Variants in CMC2 observed in about 807,000 individuals in gnomAD.
The protein encoded by CMC2 is C-X9-C motif containing 2.
Under a neutral mutation model 7.5 loss-of-function variants are expected in CMC2, and 5 were observed. The ratio of observed to expected loss-of-function variants is 0.66; its 90% confidence interval spans 0.35 to 1.40. CMC2 has a LOEUF of 1.40. CMC2 is among the 40% of genes most tolerant of loss of function. The pLI, the probability that CMC2 is intolerant of heterozygous loss-of-function variation, is 0.04. For synonymous variants in CMC2, 37 were observed against 31.4 expected (o/e 1.18, Z -0.60); for missense variants, 115 against 92.3 (o/e 1.25, Z -1.01).
At chr16:80,990,698 T>C (rs1349284617) in intron 2 of CMC2, among the ~76,000 whole-genome samples, 4 of 152,162 alleles carry the variant, frequency 2.6e-5, no homozygotes, top group African/African-American at 7.2e-5. Context: ...TGGAAGTCAT[T>C]ACATGTTGGT....
rs767231953 is a variant in CMC2, at chr16:80,974,158, G to C, written c.*1935C>G. Reference sequence around the variant, plus strand: ...CAAATCAAATGCCTGAGACATCCTAGACACTTCCTTAAACCCTACACCTAG... The same window carrying C: ...CAAATCAAATGCCTGAGACATCCTACACACTTCCTTAAACCCTACACCTAG... On this transcript the variant is annotated 3_prime_UTR_variant, in exon 4 of 4. Transcript: ENST00000219400. 17 of 152,224 alleles carry C rather than the reference G, an allele frequency of 1.1e-4. No individual in the cohort carries two copies. Among genetic ancestry groups the C allele is most frequent in the Non-Finnish European group, 2.3e-4 (16 of 68,090 alleles). The allele number at this position is 152,224 out of a possible 1,614,324, so 9.4% of individuals were successfully genotyped here.
At chr16:80,999,078 C>A (rs1216698810) in intron 1 of CMC2, 1 of 152,180 alleles carries the variant, frequency 6.6e-6, no homozygotes, top group African/African-American at 2.4e-5. Flanking sequence ...CAACACAGTA[C>A]TTATTTCCTA....
Position 80,974,246 on chromosome 16 carries a change from A to C in CMC2, c.*1847T>G, listed in dbSNP as rs1192512751. 4 of 152,290 alleles carry C rather than the reference A, an allele frequency of 2.6e-5. No individual in the cohort carries two copies. Among genetic ancestry groups the C allele is most frequent in the African/African-American group, 9.6e-5 (4 of 41,460 alleles). 9.4% of individuals were successfully genotyped at this position (152,290 alleles called of 1,614,324 possible). On this transcript the variant is annotated 3_prime_UTR_variant, in exon 4 of 4. Transcript: ENST00000219400. ...CCTAATCCCCAAAGCCACATCTTTCATCCAGGCCCTCATTTCTCACTCAAG... is the reference window on the plus strand; with the variant it reads ...CCTAATCCCCAAAGCCACATCTTTCCTCCAGGCCCTCATTTCTCACTCAAG...
At chr16:80,977,398 C>T (rs750200011) in intron 3 of CMC2, among the ~76,000 whole-genome samples, 1 of 152,192 alleles carries the variant, frequency 6.6e-6, no homozygotes, top group African/African-American at 2.4e-5. Flanking sequence ...CAATCCAACA[C>T]ACTTTAAAGG....
At chr16:80,997,233 A>G (rs756340774) in intron 2 of CMC2, 81 bp downstream of exon 2, 30 of 822,454 alleles carry the variant, frequency 3.6e-5, no homozygotes, top group African/African-American at 2.5e-4. Flanking sequence ...GTTTCCTTCT[A>G]TCAACGGAGA....
intron 3 of CMC2, 42 bp downstream of exon 3, chr16:80,981,764 T>C (rs746777482): frequency 2.3e-6 from 3 of 1,286,060 alleles, no homozygotes; most frequent in African/African-American, 3.0e-5. Flanking sequence ...AAATGTTCTG[T>C]TCTATTGTTC....
At chr16:81,005,487 A>ATTAG (rs10668355) in intron 1 of CMC2, among the ~76,000 whole-genome samples, 95,234 of 151,462 alleles carry the variant, frequency 0.63, 31,473 homozygotes, top group South Asian at 0.79. Flanking sequence ...CGGCCCTGGT[A>ATTAG]TTAAAGAATT....
At chr16:81,003,735 C>T (rs770616318) in intron 1 of CMC2, among the ~76,000 whole-genome samples, 3 of 152,156 alleles carry the variant, frequency 2.0e-5, no homozygotes, top group Non-Finnish European at 4.4e-5. Context: ...AAGCAGCCAA[C>T]GTAATACTAT....
rs558190973 is a variant in CMC2 at position 80,970,405 on chromosome 16, G to C, written c.*5688C>G. ...ATGGGAAGGCACACTAGAAGGAGGT[G>C]CAGTAGAGGTTGAGCAAGTCTATCT... On this transcript the variant is annotated 3_prime_UTR_variant, in exon 4 of 4. Transcript: ENST00000219400. 3 of 152,186 alleles carry C rather than the reference G, an allele frequency of 2.0e-5. No individual in the cohort carries two copies. The highest frequency in any genetic ancestry group is 6.5e-5 in the Admixed American group (1 of 15,280). 9.4% of individuals were successfully genotyped at this position (152,186 alleles called of 1,614,324 possible).
chr16:80,967,571 C>A lies in CMC2; in HGVS notation c.*8522G>T, dbSNP rs1911642564. 1 of 152,228 alleles carries A rather than the reference C, an allele frequency of 6.6e-6. No individual in the cohort carries two copies. The highest frequency in any genetic ancestry group is 2.4e-5 in the African/African-American group (1 of 41,452). The allele number at this position is 152,228 out of a possible 1,614,324, so 9.4% of individuals were successfully genotyped here. On this transcript the variant is annotated 3_prime_UTR_variant, in exon 4 of 4. Coordinates refer to ENST00000219400, the MANE Select transcript of CMC2 (RefSeq NM_020188.5). ...AGCCAGGATGGTCTCGATCTCCTGACCTCGTGATCCGCCCGCCTCGGCCTC... is the reference window on the plus strand; with the variant it reads ...AGCCAGGATGGTCTCGATCTCCTGAACTCGTGATCCGCCCGCCTCGGCCTC...
chr16:80,984,344 G>C (rs977707379), intron 2 of CMC2, among the ~76,000 whole-genome samples: 2 of 152,102 alleles, frequency 1.3e-5, no homozygotes, highest in Non-Finnish European at 2.9e-5. Context: ...TTTCCTTTTC[G>C]TTCTAATTAA....
chr16:80,989,799 C>G (rs1967829900), intron 2 of CMC2, among the ~76,000 whole-genome samples: 1 of 152,216 alleles, frequency 6.6e-6, no homozygotes, highest in Admixed American at 6.5e-5. Context: ...CTTTCCACTT[C>G]TATATTTATG....
At chr16:81,003,268 T>C (rs2151656076) in intron 1 of CMC2, among the ~76,000 whole-genome samples, 1 of 152,370 alleles carries the variant, frequency 6.6e-6, no homozygotes, top group Middle Eastern at 3.4e-3. Flanking sequence ...TCAAAATATA[T>C]TTAACAAACT....
intron 2 of CMC2, among the ~76,000 whole-genome samples, chr16:80,988,081 G>C (rs1333409277): frequency 1.3e-5 from 2 of 152,136 alleles, no homozygotes; most frequent in African/African-American, 2.4e-5. Flanking sequence ...CTGCTCAGGA[G>C]GATGAGGCAG....
chr16:81,005,472 C>T (rs1969215901), intron 1 of CMC2, among the ~76,000 whole-genome samples: 2 of 125,240 alleles, frequency 1.6e-5, no homozygotes. Flanking sequence ...TTAAGGCCTA[C>T]ATTTCGGCCC....
intron 3 of CMC2, among the ~76,000 whole-genome samples, chr16:80,977,681 T>A (rs927643211): frequency 6.6e-6 from 1 of 152,198 alleles, no homozygotes; most frequent in Non-Finnish European, 1.5e-5. Flanking sequence ...GGCTAGATAA[T>A]CTTTAAGAAG....
intron 1 of CMC2, chr16:81,001,122 C>T (rs1968831923): frequency 6.6e-6 from 1 of 152,184 alleles, no homozygotes; most frequent in Non-Finnish European, 1.5e-5. Context: ...CATATTCTCA[C>T]TTATAAGTGG....
chr16:80,976,176 C>A lies in CMC2; in HGVS notation c.157G>T (p.Val53Leu), dbSNP rs1127390. ...TCCCTGCTCTTGGTCCTGTTTTCTACGTACTGAAAAATAAAAGAAGGGGGG... is the reference window on the plus strand; with the variant it reads ...TCCCTGCTCTTGGTCCTGTTTTCTAAGTACTGAAAAATAAAAGAAGGGGGG... The part of the protein sequence containing the change: ...ELRKCLKNEY[V>L]ENRTKSREHG... Residue 53 changes from valine to leucine, a missense_variant, in exon 4 of 4, where the codon GTA becomes TTA. Coordinates refer to ENST00000219400, the MANE Select transcript of CMC2 (RefSeq NM_020188.5). 1.3e-6 allele frequency: 2 copies of A among 1,570,870 alleles called. No individual in the cohort carries two copies. Among genetic ancestry groups the A allele is most frequent in the South Asian group, 1.1e-5 (1 of 88,404 alleles).
intron 2 of CMC2, among the ~76,000 whole-genome samples, chr16:80,993,521 C>T (rs1216827906): frequency 6.6e-6 from 1 of 152,152 alleles, no homozygotes; most frequent in South Asian, 2.1e-4. Context: ...TATTGGGTGA[C>T]TTTCACAATG....
Sources: allele counts gnomAD v4.1 joint callset (sites outside exome capture counted in the v4.1 genomes callset), GRCh38; gene constraint gnomAD v4.1.1; transcripts MANE v1.5; gene names NCBI Gene and HGNC (gene_info 2026-07-23, HGNC 2026-07-21).